Variants in SEC14L5 observed in about 807,000 individuals in gnomAD.
The protein encoded by SEC14L5 is SEC14-like protein 5.
SEC14L5 carries 96 observed loss-of-function variants against 84.6 expected under a neutral mutation model. The observed-to-expected ratio is 1.13, with a 90% CI of 0.96 to 1.34. SEC14L5 has a LOEUF of 1.34. Among genes scored for constraint, SEC14L5 ranks in the 40% most tolerant of loss-of-function variants. SEC14L5 has a pLI of 0.00. For missense variants in SEC14L5, 1,224 were observed against 942.5 expected (o/e 1.30, Z -3.91); for synonymous variants, 546 against 383.4 (o/e 1.42, Z -4.95).
chr16:5,010,064 C>T (rs1449771223), intron 14 of SEC14L5, among the ~76,000 whole-genome samples: 1 of 151,590 alleles, frequency 6.6e-6, no homozygotes, highest in Non-Finnish European at 1.5e-5. Context: ...GGTCTTGGGC[C>T]GGGTGCGGTG....
intron 8 of SEC14L5, among the ~76,000 whole-genome samples, chr16:4,999,095 C>G (rs541795543): frequency 6.6e-6 from 1 of 152,264 alleles, no homozygotes; most frequent in South Asian, 2.1e-4. Flanking sequence ...CACATTGTTG[C>G]ATTTTTGGGC....
intron 11 of SEC14L5, among the ~76,000 whole-genome samples, chr16:5,005,204 A>G (rs1955717098): frequency 6.6e-6 from 1 of 152,242 alleles, no homozygotes; most frequent in East Asian, 1.9e-4. Flanking sequence ...AATCCCAGCT[A>G]CTTGGGAGGC....
chr16:5,014,831 T>C, intron 15 of SEC14L5, 28 bp from the exon 16 acceptor site: 2 of 1,561,478 alleles, frequency 1.3e-6, no homozygotes, highest in South Asian at 2.2e-5. Flanking sequence ...TGTGAGAGGG[T>C]AACGTGTGCC....
At chr16:4,984,597 T>A (rs1299008959) in intron 2 of SEC14L5, among the ~76,000 whole-genome samples, 2 of 152,370 alleles carry the variant, frequency 1.3e-5, no homozygotes, top group East Asian at 3.9e-4. Flanking sequence ...TTTAATTGTT[T>A]GAAGAACTGC....
chr16:5,005,663 C>T (rs1365810463), intron 11 of SEC14L5, among the ~76,000 whole-genome samples: 1 of 151,740 alleles, frequency 6.6e-6, no homozygotes, highest in South Asian at 2.1e-4. Flanking sequence ...AGATCGAGAC[C>T]ATCCTGGCTA....
intron 2 of SEC14L5, among the ~76,000 whole-genome samples, chr16:4,968,738 A>G (rs1349509895): frequency 6.6e-6 from 1 of 152,252 alleles, no homozygotes; most frequent in African/African-American, 2.4e-5. Flanking sequence ...AAAGCCCAGT[A>G]GCGTCAGGTC....
At chr16:4,976,428 G>A (rs1955340464) in intron 2 of SEC14L5, among the ~76,000 whole-genome samples, 1 of 152,174 alleles carries the variant, frequency 6.6e-6, no homozygotes, top group Non-Finnish European at 1.5e-5. Context: ...CAAATTCAGG[G>A]ATATCAGCGG....
chr16:4,978,730 G>T (rs996724258), intron 2 of SEC14L5, among the ~76,000 whole-genome samples: 1 of 152,040 alleles, frequency 6.6e-6, no homozygotes, highest in Non-Finnish European at 1.5e-5. Flanking sequence ...AGCCTCCCGA[G>T]TAGCTGGAAC....
intron 2 of SEC14L5, among the ~76,000 whole-genome samples, chr16:4,974,248 C>G (rs369696976): frequency 3.9e-5 from 6 of 152,254 alleles, no homozygotes; most frequent in African/African-American, 1.2e-4. Context: ...GACAGGGTCT[C>G]TCTGTTACCC....
chr16:5,007,509 G>A, intron 13 of SEC14L5, 23 bp downstream of exon 13: 1 of 1,610,158 alleles, frequency 6.2e-7, no homozygotes, highest in Non-Finnish European at 8.5e-7. Flanking sequence ...GGCCGGGGAG[G>A]GCCCGCTGAG....
At position 5,013,626 on chromosome 16, in the gene SEC14L5, T is replaced by C. The variant is rs1016101873; in HGVS notation, c.1980-1233T>C. On this transcript the variant is annotated intron_variant, in intron 15 of 15. Coordinates refer to ENST00000251170, the MANE Select transcript of SEC14L5 (RefSeq NM_014692.2). ...CAGGCTGGAGTACAGTGGCACGATA[T>C]CTACTCACTGCAACCTCCGCCTCCT... is the stretch of plus-strand genomic sequence containing the variant. Among the ~76,000 whole-genome samples, 5 of 138,802 alleles carry C rather than the reference T, an allele frequency of 3.6e-5. No individual in the cohort carries two copies. The Admixed American group carries it at 4.0e-4, about 11-fold the overall frequency. The allele number at this position is 138,802 out of a possible 152,430, so 91.1% of individuals were successfully genotyped here. A position where few individuals can be genotyped will look rare whatever the true frequency, so the allele number is the denominator to read the frequency against.
At chr16:4,960,418 C>T (rs1448959988) in intron 2 of SEC14L5, 1 of 152,178 alleles carries the variant, frequency 6.6e-6, no homozygotes, top group Non-Finnish European at 1.5e-5. Context: ...ACTGCTTAAC[C>T]CCAGCCTTCT....
chr16:4,997,140 C>T, intron 8 of SEC14L5, 96 bp downstream of exon 8: 1 of 925,376 alleles, frequency 1.1e-6, no homozygotes, highest in East Asian at 3.0e-5. Context: ...ACTCTGTCAC[C>T]CAGGCTGGAG....
At position 5,014,920 on chromosome 16, in the gene SEC14L5, T is replaced by C; in HGVS notation, c.2041T>C (p.Ser681Pro). 6.2e-7 allele frequency: 1 copy of C among 1,613,076 alleles called. No individual in the cohort carries two copies. ...CTTCTCCCAGCTCAGCGCCGCCACCTCGTCCTCCTCCTCCGGCCAGTCTCA... is the reference window on the plus strand; with the variant it reads ...CTTCTCCCAGCTCAGCGCCGCCACCCCGTCCTCCTCCTCCGGCCAGTCTCA... ...SGFSQLSAATSSSSSGQSHSS... is the reference protein window; with the variant it reads ...SGFSQLSAATPSSSSGQSHSS... Residue 681 changes from serine (S) to proline (P), a missense_variant, in exon 16 of 16, where the codon TCG (serine) becomes CCG (proline). Physicochemically the swap from Ser to Pro is moderately conservative, Grantham distance 74. Transcript: ENST00000251170.
At chr16:4,997,985 C>CCTGCACAG (rs781407102) in intron 8 of SEC14L5, among the ~76,000 whole-genome samples, 1 of 147,988 alleles carries the variant, frequency 6.8e-6, no homozygotes, top group Non-Finnish European at 1.5e-5. Context: ...ACTAATTACA[C>CCTGCACAG]CTGCACAGAC....
Position 4,974,604 on chromosome 16 carries a change from C to CTT in SEC14L5, c.64-12944_64-12943dup, listed in dbSNP as rs60355877. Among the ~76,000 whole-genome samples, 159 of 150,992 alleles carry CTT rather than the reference C, an allele frequency of 1.1e-3. 1 individual carries two copies. The highest frequency in any genetic ancestry group is 3.4e-3 in the Middle Eastern group (1 of 292). On this transcript the variant is annotated intron_variant, in intron 2 of 15. Coordinates refer to ENST00000251170, the MANE Select transcript of SEC14L5 (RefSeq NM_014692.2). The stretch of plus-strand genomic sequence containing the variant: ...TATTTAAACAGTTTTTGGGGTACAG[C>CTT]TTTTTTTTTTAACATGGATAAGGTC...
At position 4,987,642 on chromosome 16, in the gene SEC14L5, G is replaced by A; in HGVS notation, c.149G>A (p.Gly50Glu). 1 of 1,555,622 alleles carries A rather than the reference G, an allele frequency of 6.4e-7. No individual in the cohort carries two copies. The highest frequency in any genetic ancestry group is 8.7e-7 in the Non-Finnish European group (1 of 1,151,354). The change falls in exon 3 of 16, where the codon GGG becomes GAG. Residue 50 changes from glycine (G) to glutamate (E), a missense_variant. Transcript: ENST00000251170. ...EVLRESRSPD[G>E]AVHVVERSCR... ...TTGCGCGAGTCCCGCAGCCCGGACGGGGCTGTGCACGTGGTGGAGCGGAGC... is the reference window on the plus strand; with the variant it reads ...TTGCGCGAGTCCCGCAGCCCGGACGAGGCTGTGCACGTGGTGGAGCGGAGC...
intron 15 of SEC14L5, among the ~76,000 whole-genome samples, chr16:5,011,696 C>T (rs751326203): frequency 3.3e-5 from 5 of 152,188 alleles, no homozygotes; most frequent in African/African-American, 4.8e-5. Flanking sequence ...ATGGTTAAGA[C>T]CTCCAGCACT....
chr16:4,982,143 A>C (rs1955431811), intron 2 of SEC14L5, among the ~76,000 whole-genome samples: 1 of 152,118 alleles, frequency 6.6e-6, no homozygotes, highest in African/African-American at 2.4e-5. Flanking sequence ...GAGGACAGGC[A>C]GGCTGGCCTT....
Sources: allele counts gnomAD v4.1 joint callset (sites outside exome capture counted in the v4.1 genomes callset), GRCh38; gene constraint gnomAD v4.1.1; transcripts MANE v1.5; gene names NCBI Gene and HGNC (gene_info 2026-07-23, HGNC 2026-07-21).